Variants in DMXL2 observed in about 807,000 individuals in gnomAD.
The protein encoded by DMXL2 is dmX-like protein 2.
A neutral mutation model predicts 331.1 loss-of-function variants in DMXL2; 103 were observed. The ratio of observed to expected loss-of-function variants is 0.31; its 90% CI spans 0.27 to 0.37. DMXL2 has a LOEUF of 0.37. DMXL2 is among the 10% of genes least tolerant of loss of function. DMXL2 has a pLI of 1.00. For synonymous variants in DMXL2, 1,281 were observed against 1,252.1 expected (o/e 1.02, Z -0.49); for missense variants, 3,171 against 3,642.9 (o/e 0.87, Z 3.33).
chr15:51,607,182 C>T (rs548582620), intron 1 of DMXL2, among the ~76,000 whole-genome samples: 86 of 151,650 alleles, frequency 5.7e-4, no homozygotes, highest in Admixed American at 9.9e-4. Context: ...AAAGGCCGGG[C>T]GCGGTGGCTC....
intron 41 of DMXL2, among the ~76,000 whole-genome samples, chr15:51,452,226 T>C (rs2039210342): frequency 6.6e-6 from 1 of 152,092 alleles, no homozygotes; most frequent in South Asian, 2.1e-4. Flanking sequence ...ACTCTAGACA[T>C]TGACTTAAAG....
intron 13 of DMXL2, among the ~76,000 whole-genome samples, chr15:51,521,129 T>C (rs1025271524): frequency 6.6e-6 from 1 of 152,152 alleles, no homozygotes; most frequent in Non-Finnish European, 1.5e-5. Context: ...ACTTGACATA[T>C]ACAAGGTTGA....
At chr15:51,484,774 T>C (rs2042264204) in intron 23 of DMXL2, among the ~76,000 whole-genome samples, 2 of 152,110 alleles carry the variant, frequency 1.3e-5, no homozygotes, top group Admixed American at 1.3e-4. Context: ...AAGGAAATCA[T>C]AGTCTTAAGG....
At chr15:51,596,449 A>G (rs1273627974) in intron 1 of DMXL2, among the ~76,000 whole-genome samples, 1 of 152,226 alleles carries the variant, frequency 6.6e-6, no homozygotes, top group Non-Finnish European at 1.5e-5. Flanking sequence ...GTGGAGAAAT[A>G]GGAACACTTT....
intron 1 of DMXL2, among the ~76,000 whole-genome samples, chr15:51,603,076 G>C (rs1427231046): frequency 1.3e-5 from 2 of 151,946 alleles, no homozygotes; most frequent in East Asian, 3.9e-4. Flanking sequence ...TAATCAATTA[G>C]AAAAAGAAGA....
intron 1 of DMXL2, among the ~76,000 whole-genome samples, chr15:51,614,527 C>T (rs900661553): frequency 1.4e-4 from 21 of 152,122 alleles, no homozygotes; most frequent in African/African-American, 5.1e-4. Flanking sequence ...CAGCTTTACA[C>T]CTATATTATA....
Position 51,549,669 on chromosome 15 carries a change from G to A in DMXL2, c.568-2261C>T, listed in dbSNP as rs1003173051. ...TGGCCATTCTTGCAGGAGTAAGGTG[G>A]TATCGCATTGTGGTTTTGGTTTGCA... On this transcript the variant is annotated intron_variant, in intron 6 of 43. Coordinates refer to ENST00000560891, the MANE Select transcript of DMXL2 (RefSeq NM_001378457.1). 3.2e-4 allele frequency among the ~76,000 whole-genome samples: 49 copies of A among 152,040 alleles called. 1 individual carries two copies. The highest frequency in any genetic ancestry group is 1.5e-4 in the Non-Finnish European group (10 of 67,984).
In DMXL2 at chr15:51,536,668, G is replaced by C; in HGVS notation, c.1812C>G (p.Asn604Lys). 2 of 1,614,122 alleles carry C rather than the reference G, an allele frequency of 1.2e-6. No homozygotes were observed. The highest frequency in any genetic ancestry group is 1.7e-6 in the Non-Finnish European group (2 of 1,180,012). The change falls in exon 12 of 44, where the codon AAC (asparagine) becomes AAG (lysine). Residue 604 changes from asparagine to lysine, a missense_variant. By Grantham distance (94) the Asn-to-Lys change is moderately conservative (BLOSUM62 0). Transcript: ENST00000560891. Reference sequence around the variant, plus strand: ...TCATCATTACTGTGGGAGCTAAGATGTTCATATGTGTACTGTGGGATCTAG... The same window carrying C: ...TCATCATTACTGTGGGAGCTAAGATCTTCATATGTGTACTGTGGGATCTAG... ...PHSRSHSTHM[N>K]ILAPTVMMIS...
chr15:51,582,846 T>C (rs1279173452), intron 1 of DMXL2, among the ~76,000 whole-genome samples: 8 of 151,988 alleles, frequency 5.3e-5, no homozygotes, highest in Admixed American at 5.3e-4. Flanking sequence ...ATTTTAAAAT[T>C]AAATAAGAAA....
At chr15:51,592,078 C>A (rs1447348604) in intron 1 of DMXL2, among the ~76,000 whole-genome samples, 1 of 145,936 alleles carries the variant, frequency 6.9e-6, no homozygotes, top group East Asian at 2.0e-4. Context: ...ATGACTTTGA[C>A]GAGCTGAGAG....
At chr15:51,615,203 T>C (rs1595767730) in intron 1 of DMXL2, among the ~76,000 whole-genome samples, 2 of 152,100 alleles carry the variant, frequency 1.3e-5, no homozygotes, top group South Asian at 2.1e-4. Context: ...AAGGAGGAGA[T>C]GTCAAAGAAA....
chr15:51,539,439 AG>A (rs2048468869), intron 9 of DMXL2, among the ~76,000 whole-genome samples: 1 of 152,180 alleles, frequency 6.6e-6, no homozygotes, highest in Non-Finnish European at 1.5e-5. Context: ...ACAAGAAGGC[AG>A]GCAAAATTCT....
At chr15:51,498,140 TGA>T (rs954787653) in intron 18 of DMXL2, among the ~76,000 whole-genome samples, 8 of 152,042 alleles carry the variant, frequency 5.3e-5, no homozygotes, top group African/African-American at 1.9e-4. Flanking sequence ...TTCAGGAGGC[TGA>T]GATAGGAAGA....
rs574892667 is a variant in DMXL2 at position 51,460,853 on chromosome 15, T to C, written c.7927-1193A>G. Among the ~76,000 whole-genome samples the C allele has an allele frequency of 1.2e-4, 18 of 152,298 alleles. No homozygotes were observed. The South Asian group carries it at 3.7e-3, about 32-fold the overall frequency. ...AATAAAACACCTTTTTTTTCAGATC[T>C]GAGCTATTCAAAACAGCAATCACTA... On this transcript the variant is annotated intron_variant, in intron 33 of 43. Transcript: ENST00000560891.
At chr15:51,472,705 TC>T (rs1255522444) in intron 28 of DMXL2, among the ~76,000 whole-genome samples, 2 of 152,238 alleles carry the variant, frequency 1.3e-5, no homozygotes, top group African/African-American at 4.8e-5. Context: ...AGTACTTCAT[TC>T]CTTTTATAGC....
chr15:51,453,631 C>T lies in DMXL2; in HGVS notation c.8615G>A (p.Cys2872Tyr). 3 of 1,613,254 alleles carry T rather than the reference C, an allele frequency of 1.9e-6. No individual in the cohort carries two copies. The highest frequency in any genetic ancestry group is 2.5e-6 in the Non-Finnish European group (3 of 1,179,652). The stretch of plus-strand genomic sequence containing the variant: ...AAAGTCACTTGTGGCTTTACTGTGG[C>T]ACTGCCAACTCTACGAAAAACAAAG... ...SNPKPYMSWQ[C>Y]HSKATSDFAF... Residue 2872 changes from cysteine (C) to tyrosine (Y), a missense_variant, in exon 41 of 44, where the codon TGC becomes TAC. Cys to Tyr is a radical substitution (Grantham distance 194, BLOSUM62 -2). This residue lies in a region of DMXL2 where 766 missense variants were observed against 940.5 expected (regional missense o/e 0.81). Transcript: ENST00000560891.
At chr15:51,613,070 C>A (rs2054080621) in intron 1 of DMXL2, among the ~76,000 whole-genome samples, 1 of 152,228 alleles carries the variant, frequency 6.6e-6, no homozygotes, top group African/African-American at 2.4e-5. Context: ...CCCTTGTTCC[C>A]TGAACATTGC....
In DMXL2 at chr15:51,547,297, C is replaced by T; in HGVS notation, c.679G>A (p.Val227Ile). The change falls in exon 7 of 44, where the codon GTT becomes ATT. Residue 227 changes from valine to isoleucine, a missense_variant. Physicochemically the swap from Val to Ile is conservative, Grantham distance 29 (BLOSUM62 3). Coordinates refer to ENST00000560891, the MANE Select transcript of DMXL2 (RefSeq NM_001378457.1). ...ACAGCTCGGGGATGTGCCAAGTAAA[C>T]AAAAGAAAATTGAGTAGAGGACTGT... ...RRQSSTQFSF[V>I]YLAHPRAVTG... is the part of the protein sequence containing the mutation. 1 of 1,612,908 alleles carries T rather than the reference C, an allele frequency of 6.2e-7. No individual in the cohort carries two copies. Among genetic ancestry groups the T allele is most frequent in the Non-Finnish European group, 8.5e-7 (1 of 1,179,368 alleles).
intron 18 of DMXL2, among the ~76,000 whole-genome samples, chr15:51,498,084 G>T (rs1654816192): frequency 6.6e-6 from 1 of 151,958 alleles, no homozygotes; most frequent in Non-Finnish European, 1.5e-5. Context: ...AAAATAAAAA[G>T]AAATTAGCTG....
Sources: allele counts gnomAD v4.1 joint callset (sites outside exome capture counted in the v4.1 genomes callset), GRCh38; gene constraint gnomAD v4.1.1; regional missense constraint gnomAD v4.1.1; transcripts MANE v1.5; gene names NCBI Gene and HGNC (gene_info 2026-07-23, HGNC 2026-07-21).